The following LRP1B variants were observed in gnomAD, a reference collection of about 807,000 sequenced individuals.
The protein encoded by LRP1B is low-density lipoprotein receptor-related protein 1B.
Under a neutral mutation model 556.6 loss-of-function variants are expected in LRP1B, and 217 were observed. That is an observed-to-expected ratio of 0.39 (90% CI 0.35 to 0.44). The LOEUF (loss-of-function observed/expected upper bound fraction) is 0.44, where lower values mean the gene tolerates loss of function less well. LRP1B is among the 20% of genes least tolerant of loss of function. The pLI, the probability that LRP1B is intolerant of heterozygous loss-of-function variation, is 1.00. For synonymous variants in LRP1B, 2,047 were observed against 1,865.8 expected, an observed-to-expected ratio of 1.10 and a Z score of -2.50; for missense variants, 5,053 against 5,620.8, an observed-to-expected ratio of 0.90 and a Z score of 3.23.
At chr2:141,427,111 G>A (rs1680395610) in intron 3 of LRP1B, among the ~76,000 whole-genome samples, 1 of 152,076 alleles carries the variant, frequency 6.6e-6, no homozygotes, top group South Asian at 2.1e-4. Context: ...ACTTATGAGT[G>A]CGAACAATTA....
At chr2:141,958,303 T>A (rs1701317068) in intron 1 of LRP1B, among the ~76,000 whole-genome samples, 1 of 152,008 alleles carries the variant, frequency 6.6e-6, no homozygotes, top group Non-Finnish European at 1.5e-5. Context: ...CTATGTAACA[T>A]CTCTGTGACC....
intron 1 of LRP1B, among the ~76,000 whole-genome samples, chr2:141,988,967 T>C (rs765471961): frequency 3.3e-5 from 5 of 152,060 alleles, no homozygotes; most frequent in Admixed American, 6.6e-5. Flanking sequence ...GTGTATAAAA[T>C]AGATGTGTTA....
chr2:141,136,774 T>C (rs1220253452), intron 7 of LRP1B, among the ~76,000 whole-genome samples: 1 of 151,806 alleles, frequency 6.6e-6, no homozygotes, highest in Non-Finnish European at 1.5e-5. Context: ...GAGAAAGATA[T>C]ATGGGTTGAA....
intron 20 of LRP1B, among the ~76,000 whole-genome samples, chr2:140,944,892 T>A (rs1695498020): frequency 6.6e-6 from 1 of 152,148 alleles, no homozygotes; most frequent in Non-Finnish European, 1.5e-5. Flanking sequence ...TTTAACATCG[T>A]ACTGGAATCC....
chr2:140,558,780 C>CA (rs199919628), intron 43 of LRP1B, among the ~76,000 whole-genome samples: 16 of 149,438 alleles, frequency 1.1e-4, no homozygotes, highest in African/African-American at 3.0e-4. Context: ...ACAAAAAATA[C>CA]AAAAAAAAAG....
intron 2 of LRP1B, among the ~76,000 whole-genome samples, chr2:141,579,712 T>C (rs1686891388): frequency 6.9e-6 from 1 of 144,270 alleles, no homozygotes; most frequent in Non-Finnish European, 1.5e-5. Flanking sequence ...AAGGAAAACA[T>C]ATCAGGTTTC....
chr2:141,410,690 T>C (rs922053024), intron 3 of LRP1B, among the ~76,000 whole-genome samples: 1 of 152,052 alleles, frequency 6.6e-6, no homozygotes, highest in Non-Finnish European at 1.5e-5. Flanking sequence ...ATTTGTCCTA[T>C]ATTGTGATTT....
chr2:140,567,425 C>T (rs1681167569), intron 43 of LRP1B, among the ~76,000 whole-genome samples: 1 of 152,150 alleles, frequency 6.6e-6, no homozygotes, highest in African/African-American at 2.4e-5. Context: ...CTTTGCTCCT[C>T]ACGCCCAAAC....
chr2:142,086,845 T>C (rs903798821), intron 1 of LRP1B, among the ~76,000 whole-genome samples: 3 of 152,206 alleles, frequency 2.0e-5, no homozygotes, highest in African/African-American at 7.2e-5. Flanking sequence ...GTATCAGAGT[T>C]AGGTAAGAAA....
intron 41 of LRP1B, among the ~76,000 whole-genome samples, chr2:140,681,316 A>G (rs1685852102): frequency 6.6e-6 from 1 of 152,216 alleles, no homozygotes; most frequent in African/African-American, 2.4e-5. Context: ...GGAATAAATA[A>G]ATGAGCATCA....
intron 41 of LRP1B, among the ~76,000 whole-genome samples, chr2:140,640,078 C>T (rs1001621667): frequency 6.6e-6 from 1 of 152,076 alleles, no homozygotes; most frequent in Non-Finnish European, 1.5e-5. Context: ...TCTCGGCTCA[C>T]TGCAAGCTCC....
At chr2:141,471,288 T>G (rs202166871) in intron 3 of LRP1B, among the ~76,000 whole-genome samples, 3 of 100,698 alleles carry the variant, frequency 3.0e-5, no homozygotes, top group Admixed American at 1.1e-4. Flanking sequence ...TTTTTTTTTT[T>G]TTTTTTACTC....
intron 2 of LRP1B, among the ~76,000 whole-genome samples, chr2:141,516,212 G>A (rs1684308389): frequency 6.6e-6 from 1 of 152,106 alleles, no homozygotes; most frequent in South Asian, 2.1e-4. Context: ...AGCCTTCAGG[G>A]ACATTTGCTT....
chr2:141,618,821 G>A (rs1278679113), intron 2 of LRP1B, among the ~76,000 whole-genome samples: 1 of 152,212 alleles, frequency 6.6e-6, no homozygotes. Flanking sequence ...TAGGATTAAA[G>A]TGGGTAACTG....
intron 41 of LRP1B, among the ~76,000 whole-genome samples, chr2:140,649,849 G>A (rs1359591967): frequency 6.6e-6 from 1 of 152,102 alleles, no homozygotes; most frequent in Admixed American, 6.6e-5. Context: ...AATACACCTG[G>A]ATGGTTATAG....
chr2:141,615,582 C>CA (rs1229093150), intron 2 of LRP1B, among the ~76,000 whole-genome samples: 2 of 151,798 alleles, frequency 1.3e-5, no homozygotes, highest in Non-Finnish European at 2.9e-5. Flanking sequence ...CTTGAAATTA[C>CA]AAAAATAATT....
At chr2:140,670,299 C>T (rs1280193304) in intron 41 of LRP1B, among the ~76,000 whole-genome samples, 1 of 151,658 alleles carries the variant, frequency 6.6e-6, no homozygotes. Flanking sequence ...GTCATGAGCC[C>T]AAAGCACAAA....
chr2:140,293,228 T>C (rs558385180), intron 84 of LRP1B, among the ~76,000 whole-genome samples: 2 of 152,288 alleles, frequency 1.3e-5, no homozygotes, highest in African/African-American at 4.8e-5. Flanking sequence ...AATGTTATTA[T>C]CATTTAATCA....
chr2:141,611,378 T>A (rs1688103595), intron 2 of LRP1B, among the ~76,000 whole-genome samples: 1 of 152,212 alleles, frequency 6.6e-6, no homozygotes, highest in South Asian at 2.1e-4. Context: ...AGAAAAATGA[T>A]GCTTTTGATA....
Sources: gnomAD v4.1 joint callset for allele counts (sites outside exome capture counted in the v4.1 genomes callset) on GRCh38, gnomAD v4.1.1 for gene constraint, MANE v1.5 for transcripts, NCBI Gene and HGNC (gene_info 2026-07-23, HGNC 2026-07-21) for gene names.